GRID2: variants seen among roughly 807,000 people sequenced by gnomAD.
The protein encoded by GRID2 is glutamate receptor ionotropic, delta-2.
Under a neutral mutation model 114.8 loss-of-function variants are expected in GRID2, and 33 were observed. The ratio of observed to expected loss-of-function variants is 0.29; its 90% CI spans 0.22 to 0.38. The LOEUF (loss-of-function observed/expected upper bound fraction) is 0.38, where lower values mean the gene tolerates loss of function less well. Among genes scored for constraint, GRID2 ranks in the 10% least tolerant of loss-of-function variants. The pLI, the probability that GRID2 is intolerant of heterozygous loss-of-function variation, is 1.00. For missense variants in GRID2, 1,184 were observed against 1,257.7 expected, an observed-to-expected ratio of 0.94 and a Z score of 0.89; for synonymous variants, 505 against 449.9, an observed-to-expected ratio of 1.12 and a Z score of -1.55.
At chr4:93,203,421 G>GT (rs752704811) in intron 4 of GRID2, among the ~76,000 whole-genome samples, 1 of 151,854 alleles carries the variant, frequency 6.6e-6, no homozygotes, top group Admixed American at 6.6e-5. Context: ...AGACATATCT[G>GT]TTTTTTTATT....
rs147884441 is a variant in GRID2, at chr4:93,478,267, C to G, written c.1859-12372C>G. On this transcript the variant is annotated intron_variant, in intron 11 of 15. Coordinates refer to ENST00000282020, the MANE Select transcript of GRID2 (RefSeq NM_001510.4). Reference sequence around the variant, plus strand: ...TGGCACTTAAAAGTTAAGTTAAAATCAGCATGTAAGGTTTATGTGTGGTAA... The same window carrying G: ...TGGCACTTAAAAGTTAAGTTAAAATGAGCATGTAAGGTTTATGTGTGGTAA... Among the ~76,000 whole-genome samples, 15 of 152,166 alleles carry G rather than the reference C, an allele frequency of 9.9e-5. No individual in the cohort carries two copies. The East Asian group carries it at 2.9e-3, about 30-fold the overall frequency.
intron 2 of GRID2, among the ~76,000 whole-genome samples, chr4:92,680,890 T>C (rs1439402811): frequency 6.6e-6 from 1 of 152,148 alleles, no homozygotes; most frequent in Non-Finnish European, 1.5e-5. Context: ...TGATTGGAAA[T>C]GTAAAGCATG....
chr4:92,327,416 A>G (rs754457817), intron 1 of GRID2, among the ~76,000 whole-genome samples: 1 of 151,886 alleles, frequency 6.6e-6, no homozygotes, highest in African/African-American at 2.4e-5. Flanking sequence ...CAAGTTAAAC[A>G]ATTTCACTCA....
At chr4:92,809,942 A>G (rs376725685) in intron 2 of GRID2, among the ~76,000 whole-genome samples, 1 of 152,174 alleles carries the variant, frequency 6.6e-6, no homozygotes, top group East Asian at 1.9e-4. Flanking sequence ...TAGATGTTCA[A>G]CAAACGTTGG....
chr4:92,966,944 G>C (rs74651953), intron 2 of GRID2, among the ~76,000 whole-genome samples: 2,380 of 151,872 alleles, frequency 0.016, 27 homozygotes, highest in Non-Finnish European at 0.025. Flanking sequence ...TCTGATATAG[G>C]CACCGTTGTC....
Position 93,085,283 on chromosome 4 carries a change from AGT to A in GRID2, c.529+7_529+8del. 2 of 1,602,188 alleles carry A rather than the reference AGT, an allele frequency of 1.2e-6. No individual in the cohort carries two copies. Among genetic ancestry groups the A allele is most frequent in the African/African-American group, 2.7e-5 (2 of 74,820 alleles). ...ATATTCTATGATAGTGAATACGGTA[AGT>A]GTTTATAATTTGTTTAGGTTTTGTA... On this transcript the variant is annotated splice_donor_5th_base_variant and intron_variant, in intron 3 of 15. Coordinates refer to ENST00000282020, the MANE Select transcript of GRID2 (RefSeq NM_001510.4).
chr4:92,356,283 T>C (rs2110192618), intron 1 of GRID2, among the ~76,000 whole-genome samples: 1 of 151,716 alleles, frequency 6.6e-6, no homozygotes, highest in South Asian at 2.1e-4. Flanking sequence ...AAAATTCTGC[T>C]TTGTATATAT....
intron 1 of GRID2, among the ~76,000 whole-genome samples, chr4:93,781,246 G>T (rs963348441): frequency 1.1e-4 from 17 of 152,182 alleles, no homozygotes; most frequent in Admixed American, 3.3e-4. Flanking sequence ...GGAACTGAGG[G>T]ATCATCTAGA....
chr4:92,749,133 A>G (rs1419574905), intron 2 of GRID2, among the ~76,000 whole-genome samples: 3 of 151,076 alleles, frequency 2.0e-5, no homozygotes, highest in African/African-American at 7.3e-5. Flanking sequence ...AGCTGGGACT[A>G]TAGGCGCGCA....
chr4:93,629,436 A>G (rs903320411), intron 14 of GRID2, among the ~76,000 whole-genome samples: 1 of 152,178 alleles, frequency 6.6e-6, no homozygotes, highest in African/African-American at 2.4e-5. Flanking sequence ...CACATGTGCC[A>G]CATTAATTTA....
intron 2 of GRID2, among the ~76,000 whole-genome samples, chr4:93,023,180 A>G (rs1158909256): frequency 2.7e-5 from 4 of 150,792 alleles, no homozygotes; most frequent in Admixed American, 2.0e-4. Flanking sequence ...TTGGATAATA[A>G]CTATTAGTTA....
chr4:92,881,505 CT>C lies in GRID2; in HGVS notation c.245-203482del, dbSNP rs542079770. 9.4e-4 allele frequency among the ~76,000 whole-genome samples: 143 copies of C among 152,026 alleles called. 3 individuals carry two copies. In the South Asian group the frequency reaches 0.029, roughly 30 times the overall value. ...AAAGAAAAAATATTTCGTCTGCTTC[CT>C]TTTTTTTCCTGACCCAATAATTGAT... On this transcript the variant is annotated intron_variant, in intron 2 of 15. Coordinates refer to ENST00000282020, the MANE Select transcript of GRID2 (RefSeq NM_001510.4).
chr4:92,709,075 G>A (rs191165981), intron 2 of GRID2, among the ~76,000 whole-genome samples: 1 of 152,206 alleles, frequency 6.6e-6, no homozygotes, highest in East Asian at 1.9e-4. Context: ...TGTACATCAT[G>A]GGCCATTATA....
intron 8 of GRID2, among the ~76,000 whole-genome samples, chr4:93,267,016 C>A (rs1296426320): frequency 8.6e-6 from 1 of 116,918 alleles, no homozygotes. Context: ...TATTTAGTGT[C>A]CACTTGTGAG....
At chr4:92,431,639 A>AAAGAAAGACTTTCCAGC (rs1732458941) in intron 1 of GRID2, among the ~76,000 whole-genome samples, 1 of 151,846 alleles carries the variant, frequency 6.6e-6, no homozygotes, top group Non-Finnish European at 1.5e-5. Flanking sequence ...GACTTTCCAG[A>AAAGAAAGACTTTCCAGC]AAAAAAGACT....
chr4:93,721,914 TTTTTTC>T (rs925393714), intron 14 of GRID2, among the ~76,000 whole-genome samples: 2 of 124,838 alleles, frequency 1.6e-5, no homozygotes, highest in Non-Finnish European at 1.7e-5. Flanking sequence ...AAATAATTTC[TTTTTTC>T]TTTTTTTTTT....
chr4:92,390,912 C>A (rs1246319064), intron 1 of GRID2, among the ~76,000 whole-genome samples: 4 of 152,026 alleles, frequency 2.6e-5, no homozygotes, highest in African/African-American at 7.2e-5. Flanking sequence ...TTTTTGGCAC[C>A]AAGCCTGGTA....
chr4:92,691,315 T>C (rs936603754), intron 2 of GRID2, among the ~76,000 whole-genome samples: 3 of 152,132 alleles, frequency 2.0e-5, no homozygotes, highest in African/African-American at 7.2e-5. Context: ...GCTACTTTAT[T>C]ATGAAGAGAC....
At position 93,104,156 on chromosome 4, in the gene GRID2, A is replaced by G. The variant is rs371516846; in HGVS notation, c.530-6592A>G. On this transcript the variant is annotated intron_variant, in intron 3 of 15. Coordinates refer to ENST00000282020, the MANE Select transcript of GRID2 (RefSeq NM_001510.4). ...CAAGTGGTATTTGGACAAGTTTTCC[A>G]GATGACTCCAAAATAAAACTCAGTG... 4.1e-4 allele frequency among the ~76,000 whole-genome samples: 62 copies of G among 152,284 alleles called. 1 individual carries two copies. Among genetic ancestry groups the G allele is most frequent in the East Asian group, 2.1e-3 (11 of 5,166 alleles).
Sources: gnomAD v4.1 joint callset for allele counts (sites outside exome capture counted in the v4.1 genomes callset) on GRCh38, gnomAD v4.1.1 for gene constraint, MANE v1.5 for transcripts, NCBI Gene and HGNC (gene_info 2026-07-23, HGNC 2026-07-21) for gene names.